The following ANXA3 variants were observed in gnomAD, a reference collection of about 807,000 sequenced individuals.
ANXA3 encodes the protein 35-alpha calcimedin.
In ANXA3, 46 loss-of-function variants were observed where a neutral mutation model predicts 48.8. That is an observed-to-expected ratio of 0.94 (90% CI 0.74 to 1.21). The LOEUF (loss-of-function observed/expected upper bound fraction) is 1.21, where lower values mean the gene tolerates loss of function less well. Among genes scored for constraint, ANXA3 ranks in the 50% most tolerant of loss-of-function variants. The probability of loss-of-function intolerance (pLI) is 0.00; values close to 1 mark genes in which losing one functional copy is unlikely to be tolerated. For missense variants in ANXA3, 383 were observed against 378.6 expected (o/e 1.01, Z -0.10); for synonymous variants, 128 against 134.7 (o/e 0.95, Z 0.35).
At chr4:78,586,397 G>C in intron 6 of ANXA3, 47 bp downstream of exon 6, 1 of 1,420,866 alleles carries the variant, frequency 7.0e-7, no homozygotes, top group Non-Finnish European at 9.8e-7. Context: ...ACATATTTGA[G>C]CCAATGTTGC....
At chr4:78,587,452 G>A (rs1723201288) in intron 6 of ANXA3, among the ~76,000 whole-genome samples, 1 of 152,190 alleles carries the variant, frequency 6.6e-6, no homozygotes, top group South Asian at 2.1e-4. Context: ...GAAATCCAAA[G>A]GATTTAGAGT....
intron 7 of ANXA3, among the ~76,000 whole-genome samples, chr4:78,593,659 C>G (rs1434718233): frequency 2.1e-5 from 3 of 139,582 alleles, no homozygotes; most frequent in Non-Finnish European, 4.4e-5. Flanking sequence ...TATTTTGAGA[C>G]AGGATCTGGC....
At position 78,595,375 on chromosome 4, in the gene ANXA3, G is replaced by A; in HGVS notation, c.484-6G>A. On this transcript the variant is annotated splice_region_variant and splice_polypyrimidine_tract_variant and intron_variant, in intron 7 of 12. Transcript: ENST00000264908. ...GGATGGCCCTTGTTTTCGTCCTCCT[G>A]TTTAGGGCAGAAGAGATGAAAGTCT... The A allele has an allele frequency of 1.2e-6, 2 of 1,613,906 alleles. No individual in the cohort carries two copies. Among genetic ancestry groups the A allele is most frequent in the South Asian group, 2.2e-5 (2 of 91,062 alleles).
At chr4:78,601,679 A>G (rs1723545859) in intron 11 of ANXA3, 111 bp downstream of exon 11, 1 of 899,574 alleles carries the variant, frequency 1.1e-6, no homozygotes, top group Non-Finnish European at 1.7e-6. Flanking sequence ...TAATTTAAAC[A>G]TTTTAAGATA....
chr4:78,593,994 T>C (rs577661439), intron 7 of ANXA3, among the ~76,000 whole-genome samples: 1 of 152,246 alleles, frequency 6.6e-6, no homozygotes, highest in Non-Finnish European at 1.5e-5. Flanking sequence ...TAATGTCATA[T>C]GTCTATCATT....
chr4:78,564,995 T>TC (rs1246683112), intron 2 of ANXA3, among the ~76,000 whole-genome samples: 6 of 140,978 alleles, frequency 4.3e-5, no homozygotes, highest in African/African-American at 1.8e-4. Flanking sequence ...ACTTAGATTT[T>TC]TTTTTTTTTT....
intron 12 of ANXA3, among the ~76,000 whole-genome samples, chr4:78,607,708 C>A (rs1385312085): frequency 6.6e-6 from 1 of 152,102 alleles, no homozygotes; most frequent in African/African-American, 2.4e-5. Flanking sequence ...ATTGAAACAA[C>A]AGACAATTAA....
Position 78,554,482 on chromosome 4 carries a change from T to A in ANXA3, c.9T>A (p.Ser3=). 6.2e-7 allele frequency: 1 copy of A among 1,613,214 alleles called. No individual in the cohort carries two copies. Among genetic ancestry groups the A allele is most frequent in the Non-Finnish European group, 8.5e-7 (1 of 1,179,532 alleles). The change falls in exon 2 of 13, where the codon TCT becomes TCA. Residue 3 remains serine (S), a synonymous_variant. Transcript: ENST00000264908. MA[S]IWVGHRGTVR... ...GGCAAAGGTGGGATATCATGGCATC[T>A]ATCTGGGTAAGTAAAAATTAAGCCT...
intron 8 of ANXA3, 105 bp downstream of exon 8, chr4:78,595,542 T>TTTC: frequency 2.0e-6 from 2 of 982,528 alleles, no homozygotes; most frequent in South Asian, 1.8e-5. Flanking sequence ...GGACTTTTCT[T>TTTC]TTTTTTTTTT....
intron 3 of ANXA3, 25 bp from the exon 4 acceptor site, chr4:78,579,002 G>A (rs778360136): frequency 1.1e-5 from 17 of 1,518,564 alleles, no homozygotes; most frequent in Non-Finnish European, 1.6e-5. Flanking sequence ...TAAATATTGA[G>A]TAAAATAACT....
intron 2 of ANXA3, chr4:78,571,302 T>C (rs1463760965): frequency 6.6e-6 from 1 of 152,224 alleles, no homozygotes. Context: ...TGAGCCACCA[T>C]GTCCAGACTA....
chr4:78,562,500 G>A (rs1722646454), intron 2 of ANXA3, among the ~76,000 whole-genome samples: 1 of 152,244 alleles, frequency 6.6e-6, no homozygotes, highest in South Asian at 2.1e-4. Flanking sequence ...ATGGCATGGA[G>A]CTCTGAAAAG....
chr4:78,551,784 G>T lies in ANXA3; in HGVS notation c.-114G>T, dbSNP rs1347239382. The T allele has an allele frequency of 6.6e-6, 1 of 152,338 alleles. No individual in the cohort carries two copies. The highest frequency in any genetic ancestry group is 1.5e-5 in the Non-Finnish European group (1 of 68,112). The allele number at this position is 152,338 out of a possible 1,614,324, so 9.4% of individuals were successfully genotyped here. A position where few individuals can be genotyped will look rare whatever the true frequency, so the allele number is the denominator to read the frequency against. On this transcript the variant is annotated 5_prime_UTR_variant, in exon 1 of 13. Coordinates refer to ENST00000264908, the MANE Select transcript of ANXA3 (RefSeq NM_005139.3). ...GACCCGGAGCCAGCGCGGAGCACCT[G>T]CGCCCGCGGCTGACACCTTCGCTCG... is the stretch of plus-strand genomic sequence containing the variant.
At chr4:78,575,005 T>A (rs1438248284) in intron 3 of ANXA3, among the ~76,000 whole-genome samples, 1 of 152,202 alleles carries the variant, frequency 6.6e-6, no homozygotes, top group Non-Finnish European at 1.5e-5. Context: ...TTTTGCTCCA[T>A]ATTCTCACCA....
At chr4:78,587,900 T>C (rs1723210486) in intron 6 of ANXA3, among the ~76,000 whole-genome samples, 1 of 152,014 alleles carries the variant, frequency 6.6e-6, no homozygotes, top group Non-Finnish European at 1.5e-5. Context: ...GAGACCAGCC[T>C]GGCCAATATG....
At chr4:78,567,467 A>C (rs1269751652) in intron 2 of ANXA3, among the ~76,000 whole-genome samples, 1 of 152,128 alleles carries the variant, frequency 6.6e-6, no homozygotes, top group Non-Finnish European at 1.5e-5. Flanking sequence ...GACAAGAGAA[A>C]ACCAGACAGA....
intron 2 of ANXA3, among the ~76,000 whole-genome samples, chr4:78,559,391 A>T (rs963961675): frequency 1.3e-5 from 2 of 152,098 alleles, no homozygotes; most frequent in Non-Finnish European, 2.9e-5. Context: ...TGGTGCTAAA[A>T]TTTTTTTAAA....
chr4:78,586,526 T>C (rs975656468), intron 6 of ANXA3, among the ~76,000 whole-genome samples, 176 bp downstream of exon 6: 1 of 152,252 alleles, frequency 6.6e-6, no homozygotes, highest in African/African-American at 2.4e-5. Flanking sequence ...AATTGGAATA[T>C]GATCTGAGCT....
In ANXA3 at chr4:78,598,412, A is replaced by G. The variant is rs527805959; in HGVS notation, c.730+998A>G. On this transcript the variant is annotated intron_variant, in intron 10 of 12. Coordinates refer to ENST00000264908, the MANE Select transcript of ANXA3 (RefSeq NM_005139.3). ...AAAGATAAGCCGAGGAGGCTAAGAA[A>G]GGGAAAACTTTCTTCTTCAATTAAA... 5.8e-4 allele frequency among the ~76,000 whole-genome samples: 89 copies of G among 152,270 alleles called. 1 individual carries two copies. The highest frequency in any genetic ancestry group is 9.2e-4 in the Admixed American group (14 of 15,290).
Sources: allele counts gnomAD v4.1 joint callset (sites outside exome capture counted in the v4.1 genomes callset), GRCh38; gene constraint gnomAD v4.1.1; transcripts MANE v1.5; gene names NCBI Gene and HGNC (gene_info 2026-07-23, HGNC 2026-07-21).